Variants in TP53BP1 observed in about 807,000 individuals in gnomAD.
The protein encoded by TP53BP1 is tumor protein p53 binding protein 1, also known as TP53-binding protein 1.
Under a neutral mutation model 200.8 loss-of-function variants are expected in TP53BP1, and 61 were observed. The ratio of observed to expected loss-of-function variants is 0.30; its 90% confidence interval spans 0.25 to 0.38. TP53BP1 has a LOEUF of 0.38. Ranked by LOEUF, TP53BP1 falls within the 10% of genes least tolerant of loss-of-function variation. The pLI, the probability that TP53BP1 is intolerant of heterozygous loss-of-function variation, is 1.00. For missense variants in TP53BP1, 2,144 were observed against 2,371.9 expected (o/e 0.90, Z 2.00); for synonymous variants, 822 against 844.3 (o/e 0.97, Z 0.46).
rs2044798455 is a variant in TP53BP1, at chr15:43,404,677, T to C, written c.*2706A>G. ...TCATTTTATAAGTAAGGCTTAGAGA[T>C]AGAGGTGTGACCATCTTTAATAATT... On this transcript the variant is annotated 3_prime_UTR_variant, in exon 28 of 28. Transcript: ENST00000382044. The C allele has an allele frequency of 5.9e-6, 6 of 1,011,566 alleles. No individual in the cohort carries two copies. The highest frequency in any genetic ancestry group is 2.9e-4 in the Middle Eastern group (1 of 3,404). The allele number at this position is 1,011,566 out of a possible 1,614,324, so 62.7% of individuals were successfully genotyped here.
chr15:43,405,181 G>A lies in TP53BP1; in HGVS notation c.*2202C>T, dbSNP rs1163885173. ...CTTGGGAAAGCATGACACTTAATAAGGCTCTTTTTCTCTTTTGTAGTTTCG... is the reference window on the plus strand; with the variant it reads ...CTTGGGAAAGCATGACACTTAATAAAGCTCTTTTTCTCTTTTGTAGTTTCG... On this transcript the variant is annotated 3_prime_UTR_variant, in exon 28 of 28. Transcript: ENST00000382044. The A allele has an allele frequency of 6.2e-7, 1 of 1,613,868 alleles. No individual in the cohort carries two copies. Among genetic ancestry groups the A allele is most frequent in the Admixed American group, 1.7e-5 (1 of 59,992 alleles).
intron 14 of TP53BP1, 92 bp from the exon 15 acceptor site, chr15:43,441,675 T>G: frequency 2.6e-6 from 2 of 778,184 alleles, no homozygotes; most frequent in South Asian, 1.5e-5. Context: ...TACTAGTATT[T>G]GCAAAAAATA....
intron 16 of TP53BP1, 94 bp downstream of exon 16, chr15:43,438,230 C>T: frequency 9.4e-7 from 1 of 1,062,076 alleles, no homozygotes; most frequent in Non-Finnish European, 1.4e-6. Context: ...ACACATGCCA[C>T]ATTCAAACCA....
chr15:43,474,076 C>T (rs35198548), intron 10 of TP53BP1, among the ~76,000 whole-genome samples: 8,443 of 152,312 alleles, frequency 0.055, 346 homozygotes, highest in Middle Eastern at 0.095. Context: ...GGTGGGCTAG[C>T]ACTGCTGGGG....
At chr15:43,482,281 G>A (rs768471194) in intron 4 of TP53BP1, among the ~76,000 whole-genome samples, 1 of 152,082 alleles carries the variant, frequency 6.6e-6, no homozygotes, top group Non-Finnish European at 1.5e-5. Context: ...TATAAATTCA[G>A]CATTAAGGAA....
At chr15:43,470,262 A>C (rs1469399883) in intron 10 of TP53BP1, among the ~76,000 whole-genome samples, 196 bp from the exon 11 acceptor site, 5 of 152,252 alleles carry the variant, frequency 3.3e-5, no homozygotes, top group African/African-American at 1.2e-4. Context: ...TTGGCGGAGC[A>C]GTCCAAGCTC....
intron 18 of TP53BP1, 83 bp downstream of exon 18, chr15:43,427,933 G>A (rs2045582160): frequency 7.1e-6 from 7 of 987,370 alleles, no homozygotes; most frequent in South Asian, 1.9e-5. Flanking sequence ...TTCCAGCCTA[G>A]GTAACAAAGT....
chr15:43,507,660 T>A (rs1246278019), intron 1 of TP53BP1, among the ~76,000 whole-genome samples: 1 of 152,208 alleles, frequency 6.6e-6, no homozygotes, highest in Non-Finnish European at 1.5e-5. Context: ...ATCAGAGCAT[T>A]TTCTGTCTTT....
chr15:43,432,708 C>A, intron 16 of TP53BP1, 31 bp from the exon 17 acceptor site: 2 of 1,573,776 alleles, frequency 1.3e-6, no homozygotes, highest in South Asian at 2.4e-5. Flanking sequence ...GAAGCCATGT[C>A]AATTAAGCAA....
intron 26 of TP53BP1, chr15:43,408,492 C>A (rs1329363007): frequency 7.6e-6 from 2 of 263,574 alleles, no homozygotes; most frequent in South Asian, 1.0e-4. Context: ...AAAAACTAAG[C>A]CCTATATTAG....
chr15:43,426,439 C>CAAAAAA (rs538087512), intron 18 of TP53BP1, among the ~76,000 whole-genome samples: 8 of 56,786 alleles, frequency 1.4e-4, no homozygotes, highest in African/African-American at 5.0e-4. Flanking sequence ...GACTCTGTGT[C>CAAAAAA]AAAAAAAAAA....
chr15:43,507,522 A>G (rs2079243825), intron 1 of TP53BP1, among the ~76,000 whole-genome samples: 1 of 152,236 alleles, frequency 6.6e-6, no homozygotes, highest in Non-Finnish European at 1.5e-5. Context: ...GGGCCTTTGA[A>G]TTGCATCGTT....
rs1037754927 is a variant in TP53BP1, at chr15:43,404,014, T to G, written c.*3369A>C. The G allele has an allele frequency of 1.4e-5, 8 of 568,878 alleles. No individual in the cohort carries two copies. Among genetic ancestry groups the G allele is most frequent in the African/African-American group, 1.3e-4 (7 of 53,352 alleles). 35.2% of individuals were successfully genotyped at this position (568,878 alleles called of 1,614,324 possible). A position where few individuals can be genotyped will look rare whatever the true frequency, so the allele number is the denominator to read the frequency against. On this transcript the variant is annotated 3_prime_UTR_variant, in exon 28 of 28. Transcript: ENST00000382044. ...TGCTCAAAAATAGTTCAGTCCTGAA[T>G]AGTTTATTCAGCCCATCAAATAAGC... is the stretch of plus-strand genomic sequence containing the variant.
At chr15:43,429,104 T>G (rs1463131854) in intron 17 of TP53BP1, among the ~76,000 whole-genome samples, 1 of 152,212 alleles carries the variant, frequency 6.6e-6, no homozygotes, top group Non-Finnish European at 1.5e-5. Flanking sequence ...AGCATCCAGC[T>G]TCATTATTTC....
chr15:43,456,086 G>A lies in TP53BP1; in HGVS notation c.2522C>T (p.Pro841Leu). ...VEQDSSQPSL[P>L]LVRADDPLRL... is the part of the protein sequence containing the mutation. The stretch of plus-strand genomic sequence containing the variant: ...TAAAGGATCATCTGCTCTCACTAAA[G>A]GTAAGGAAGGCTGTGAAGAATCTTG... The change falls in exon 12 of 28, where the codon CCT becomes CTT. Residue 841 changes from proline to leucine, a missense_variant. Around this residue, in one of 4 missense-constraint regions of TP53BP1, gnomAD observed 1,700 missense variants for 1,710.3 expected, o/e 0.99. Transcript: ENST00000382044. 1 of 1,614,178 alleles carries A rather than the reference G, an allele frequency of 6.2e-7. No individual in the cohort carries two copies.
At chr15:43,481,749 AGGTTGCAG>A (rs2078970957) in intron 4 of TP53BP1, among the ~76,000 whole-genome samples, 1 of 148,960 alleles carries the variant, frequency 6.7e-6, no homozygotes, top group Non-Finnish European at 1.5e-5. Context: ...CAGGAGGCGG[AGGTTGCAG>A]TGAGCCGAGA....
chr15:43,427,756 G>T (rs1309729731), intron 18 of TP53BP1, among the ~76,000 whole-genome samples: 1 of 152,070 alleles, frequency 6.6e-6, no homozygotes, highest in East Asian at 1.9e-4. Context: ...AGGAGTTCAA[G>T]ATCAGCCTGG....
chr15:43,419,509 GC>G (rs1017849432), intron 21 of TP53BP1, among the ~76,000 whole-genome samples: 1 of 145,666 alleles, frequency 6.9e-6, no homozygotes, highest in African/African-American at 2.6e-5. Flanking sequence ...ACAAGCATGT[GC>G]CCCCATGCCC....
In TP53BP1 at chr15:43,447,488, GAAA is replaced by G. The variant is rs749575788; in HGVS notation, c.2717-6_2717-4del. Reference sequence around the variant, plus strand: ...CAAAGTGAAATGAAATGGGGTTTCTGAAAAAAAAAAAAAAAAGAAAAAAGAAAG... The same window carrying G: ...CAAAGTGAAATGAAATGGGGTTTCTGAAAAAAAAAAAAAGAAAAAAGAAAG... On this transcript the variant is annotated splice_region_variant and splice_polypyrimidine_tract_variant and intron_variant, in intron 12 of 27. Transcript: ENST00000382044. 1,373 of 946,636 alleles carry G rather than the reference GAAA, an allele frequency of 1.5e-3. No homozygotes were observed. The highest frequency in any genetic ancestry group is 2.8e-3 in the South Asian group (95 of 34,144). The allele number at this position is 946,636 out of a possible 1,614,324, so 58.6% of individuals were successfully genotyped here. A position where few individuals can be genotyped will look rare whatever the true frequency, so the allele number is the denominator to read the frequency against.
Sources: allele counts gnomAD v4.1 joint callset (sites outside exome capture counted in the v4.1 genomes callset), GRCh38; gene constraint gnomAD v4.1.1; regional missense constraint gnomAD v4.1.1; transcripts MANE v1.5; gene names NCBI Gene and HGNC (gene_info 2026-07-23, HGNC 2026-07-21).